Variants in MTRFR observed in about 807,000 individuals in gnomAD.
The protein encoded by MTRFR is mitochondrial translation release factor in rescue.
Under a neutral mutation model 11.9 loss-of-function variants are expected in MTRFR, and 10 were observed. That is an observed-to-expected ratio of 0.84 (90% CI 0.52 to 1.42). The LOEUF (loss-of-function observed/expected upper bound fraction) is 1.42. Ranked by LOEUF, MTRFR falls within the 40% of genes most tolerant of loss-of-function variation. The pLI, the probability that MTRFR is intolerant of heterozygous loss-of-function variation, is 0.00. For synonymous variants in MTRFR, 77 were observed against 79.1 expected (o/e 0.97, Z 0.14); for missense variants, 196 against 197.9 (o/e 0.99, Z 0.06).
chr12:123,250,245 C>T (rs973340686), intron 1 of MTRFR: 1 of 152,170 alleles, frequency 6.6e-6, no homozygotes, highest in Non-Finnish European at 1.5e-5. Context: ...TTTCTTTAAG[C>T]TATCTATTTC....
At chr12:123,245,046 TCAAG>T (rs916771650) in intron 1 of MTRFR, among the ~76,000 whole-genome samples, 1 of 146,920 alleles carries the variant, frequency 6.8e-6, no homozygotes, top group Non-Finnish European at 1.5e-5. Flanking sequence ...CTCCTGGAAT[TCAAG>T]CAGTTCTCCT....
chr12:123,238,987 T>C (rs2047891175), intron 1 of MTRFR, among the ~76,000 whole-genome samples: 1 of 152,044 alleles, frequency 6.6e-6, no homozygotes, highest in South Asian at 2.1e-4. Context: ...TTTTAAAATA[T>C]TGGCTGGGTG....
chr12:123,253,625 T>C (rs1347453217), intron 1 of MTRFR, 22 bp from the exon 2 acceptor site: 1 of 1,612,018 alleles, frequency 6.2e-7, no homozygotes, highest in Non-Finnish European at 8.5e-7. Context: ...TACTGAAAGC[T>C]CTCCTTATTC....
At chr12:123,234,857 G>A (rs1278597126) in intron 1 of MTRFR, among the ~76,000 whole-genome samples, 10 of 152,062 alleles carry the variant, frequency 6.6e-5, no homozygotes, top group Non-Finnish European at 1.5e-4. Context: ...TATATTTTTG[G>A]CATCACAGTG....
At chr12:123,245,392 G>A (rs2048025099) in intron 1 of MTRFR, among the ~76,000 whole-genome samples, 1 of 152,084 alleles carries the variant, frequency 6.6e-6, no homozygotes, top group South Asian at 2.1e-4. Context: ...ATGAATTTTA[G>A]ATTTTTTTTT....
intron 1 of MTRFR, among the ~76,000 whole-genome samples, chr12:123,236,290 A>C (rs1483515347): frequency 2.0e-5 from 3 of 152,096 alleles, no homozygotes; most frequent in Non-Finnish European, 2.9e-5. Flanking sequence ...TAAATACAAT[A>C]ATGTATTTGA....
chr12:123,246,159 G>A (rs2138773413), intron 1 of MTRFR, among the ~76,000 whole-genome samples: 1 of 152,118 alleles, frequency 6.6e-6, no homozygotes, highest in Middle Eastern at 3.4e-3. Context: ...CCAGGTTCAA[G>A]CGGTTCTCCT....
chr12:123,241,848 G>A (rs1216866105), intron 1 of MTRFR, among the ~76,000 whole-genome samples: 1 of 152,180 alleles, frequency 6.6e-6, no homozygotes, highest in African/African-American at 2.4e-5. Flanking sequence ...GGAAGCTGGA[G>A]GAGGGGTGTG....
chr12:123,256,414 C>A (rs922379689), intron 2 of MTRFR, among the ~76,000 whole-genome samples: 3 of 152,210 alleles, frequency 2.0e-5, no homozygotes, highest in African/African-American at 7.2e-5. Context: ...CTGGTCTTCA[C>A]TGTCACTGAC....
At chr12:123,247,345 CAT>C (rs1409346072) in intron 1 of MTRFR, among the ~76,000 whole-genome samples, 4 of 152,120 alleles carry the variant, frequency 2.6e-5, no homozygotes, top group African/African-American at 4.8e-5. Context: ...GTGTTAGGTT[CAT>C]ATATGTTTAG....
At chr12:123,241,559 C>T (rs540034845) in intron 1 of MTRFR, among the ~76,000 whole-genome samples, 6 of 152,002 alleles carry the variant, frequency 3.9e-5, no homozygotes, top group Non-Finnish European at 8.8e-5. Flanking sequence ...AGGATGGTCT[C>T]GAATTCCTGA....
intron 1 of MTRFR, chr12:123,248,895 CAG>C (rs2048078525): frequency 6.6e-6 from 1 of 152,234 alleles, no homozygotes; most frequent in Non-Finnish European, 1.5e-5. Context: ...GAGCTAGACA[CAG>C]AGTGCTGACT....
At chr12:123,248,692 C>T (rs1381024173) in intron 1 of MTRFR, 1 of 152,146 alleles carries the variant, frequency 6.6e-6, no homozygotes, top group Non-Finnish European at 1.5e-5. Flanking sequence ...ACCAAAAGAA[C>T]AAAGCTTCCA....
At chr12:123,241,764 T>TC (rs1398317393) in intron 1 of MTRFR, among the ~76,000 whole-genome samples, 5 of 152,210 alleles carry the variant, frequency 3.3e-5, no homozygotes, top group African/African-American at 1.2e-4. Context: ...TCTTGTTTGC[T>TC]CCGGCCACAG....
intron 2 of MTRFR, among the ~76,000 whole-genome samples, 190 bp from the exon 3 acceptor site, chr12:123,256,623 G>A (rs1456530816): frequency 6.6e-6 from 1 of 152,210 alleles, no homozygotes. Context: ...TTGGACCCAG[G>A]AGGCGGAGGT....
intron 1 of MTRFR, among the ~76,000 whole-genome samples, chr12:123,235,051 G>C (rs1229607344): frequency 6.6e-6 from 1 of 152,204 alleles, no homozygotes; most frequent in Non-Finnish European, 1.5e-5. Flanking sequence ...GAAATAATCA[G>C]TTCCCAGACT....
chr12:123,240,900 G>C (rs2047924635), intron 1 of MTRFR, among the ~76,000 whole-genome samples: 1 of 151,892 alleles, frequency 6.6e-6, no homozygotes, highest in Non-Finnish European at 1.5e-5. Flanking sequence ...TTTTAGTAGA[G>C]ATGGGATTTC....
intron 1 of MTRFR, among the ~76,000 whole-genome samples, chr12:123,239,532 A>G (rs1424086692): frequency 6.6e-6 from 1 of 152,006 alleles, no homozygotes; most frequent in East Asian, 1.9e-4. Flanking sequence ...CCTCCCAAGT[A>G]GCTGGGACTA....
chr12:123,237,900 C>CTTT (rs34786765), intron 1 of MTRFR, among the ~76,000 whole-genome samples: 8 of 147,912 alleles, frequency 5.4e-5, no homozygotes, highest in Non-Finnish European at 9.0e-5. Flanking sequence ...CACCAAAACA[C>CTTT]TTTTTTTTTT....
Sources: allele counts gnomAD v4.1 joint callset (sites outside exome capture counted in the v4.1 genomes callset), GRCh38; gene constraint gnomAD v4.1.1; transcripts MANE v1.5; gene names NCBI Gene and HGNC (gene_info 2026-07-23, HGNC 2026-07-21).